ZBTB17: variants seen among roughly 807,000 people sequenced by gnomAD.
The protein encoded by ZBTB17 is zinc finger and BTB domain-containing protein 17.
Under a neutral mutation model 85.1 loss-of-function variants are expected in ZBTB17, and 24 were observed. The ratio of observed to expected loss-of-function variants is 0.28; its 90% CI spans 0.20 to 0.40. The LOEUF (loss-of-function observed/expected upper bound fraction) is 0.40, where lower values mean the gene tolerates loss of function less well. Among genes scored for constraint, ZBTB17 ranks in the 10% least tolerant of loss-of-function variants. ZBTB17 has a pLI of 1.00. For synonymous variants in ZBTB17, 464 were observed against 460.2 expected, an observed-to-expected ratio of 1.01 and a Z score of -0.11; for missense variants, 743 against 1,105.1, an observed-to-expected ratio of 0.67 and a Z score of 4.65.
chr1:15,970,911 A>G (rs1038384811), intron 2 of ZBTB17, among the ~76,000 whole-genome samples: 1 of 152,234 alleles, frequency 6.6e-6, no homozygotes, highest in South Asian at 2.1e-4. Flanking sequence ...ATATTCAGGC[A>G]GTCAGGTCTG....
At chr1:15,959,508 AGAGGGAGG>A (rs71003220) in intron 2 of ZBTB17, among the ~76,000 whole-genome samples, 74 of 105,974 alleles carry the variant, frequency 7.0e-4, no homozygotes, top group Middle Eastern at 0.011. Context: ...AAGAGGGAGG[AGAGGGAGG>A]GAGGGAGGGA....
chr1:15,968,744 G>A (rs2072533866), intron 2 of ZBTB17, among the ~76,000 whole-genome samples: 1 of 152,252 alleles, frequency 6.6e-6, no homozygotes, highest in African/African-American at 2.4e-5. Context: ...GGGGCACAGA[G>A]TAGTCCTTGA....
chr1:15,942,695 G>C lies in ZBTB17; in HGVS notation c.1872C>G (p.Asn624Lys). Residue 624 changes from asparagine to lysine, a missense_variant, in exon 14 of 16, where the codon AAC becomes AAG. Physicochemically the swap from Asn to Lys is moderately conservative, Grantham distance 94. Transcript: ENST00000375743. The part of the protein sequence containing the change: ...YLCDKCGRGF[N>K]RVDNLRSHVK... ...CGTGGGAGCGCAGGTTGTCTACCCGGTTGAAGCCACGCCCACACTTATCAC... is the reference window on the plus strand; with the variant it reads ...CGTGGGAGCGCAGGTTGTCTACCCGCTTGAAGCCACGCCCACACTTATCAC... The C allele has an allele frequency of 6.2e-7, 1 of 1,613,660 alleles. No individual in the cohort carries two copies. Among genetic ancestry groups the C allele is most frequent in the Non-Finnish European group, 8.5e-7 (1 of 1,180,032 alleles).
intron 2 of ZBTB17, chr1:15,969,958 G>A: frequency 1.2e-6 from 1 of 802,772 alleles, no homozygotes; most frequent in Non-Finnish European, 2.0e-6. Flanking sequence ...GTGGTTTGCT[G>A]GTGGCTTCCC....
intron 2 of ZBTB17, among the ~76,000 whole-genome samples, chr1:15,950,178 G>A (rs1201747687): frequency 1.3e-5 from 2 of 152,234 alleles, no homozygotes; most frequent in African/African-American, 4.8e-5. Flanking sequence ...AGCAGCACAC[G>A]GCCACCTGGA....
chr1:15,954,338 G>A (rs1328135517), intron 2 of ZBTB17, among the ~76,000 whole-genome samples: 3 of 152,126 alleles, frequency 2.0e-5, no homozygotes, highest in South Asian at 2.1e-4. Flanking sequence ...CTGCCACAAA[G>A]GGAAGCCATT....
Position 15,973,770 on chromosome 1 carries a change from A to T in ZBTB17, c.-89-645T>A, listed in dbSNP as rs1437349597. On this transcript the variant is annotated intron_variant, in intron 1 of 15. Coordinates refer to ENST00000375743, the MANE Select transcript of ZBTB17 (RefSeq NM_003443.3). The surrounding 1 kb of genome is among the most constrained non-coding windows in gnomAD (Gnocchi z 4.1). The stretch of plus-strand genomic sequence containing the variant: ...TCTATCGCTAAAACCATCTCTCCTC[A>T]CTCTCTGCCTTTAACTCACACCTTT... Among the ~76,000 whole-genome samples, 1 of 151,504 alleles carries T rather than the reference A, an allele frequency of 6.6e-6. No individual in the cohort carries two copies. The highest frequency in any genetic ancestry group is 1.9e-4 in the East Asian group (1 of 5,162).
intron 2 of ZBTB17, chr1:15,969,760 C>T: frequency 6.0e-6 from 3 of 498,688 alleles, no homozygotes; most frequent in Non-Finnish European, 1.2e-5. Context: ...CCTCATGGGA[C>T]AGTGTCAAAC....
At chr1:15,945,936 C>G in intron 5 of ZBTB17, 96 bp from the exon 6 acceptor site, 1 of 1,562,146 alleles carries the variant, frequency 6.4e-7, no homozygotes, top group Non-Finnish European at 8.7e-7. Flanking sequence ...CTGCGTGTGA[C>G]CCAGGAGGGG....
chr1:15,958,920 C>T lies in ZBTB17; in HGVS notation c.-2-10423G>A, dbSNP rs1029237994. 5.9e-5 allele frequency among the ~76,000 whole-genome samples: 9 copies of T among 152,266 alleles called. No homozygotes were observed. The South Asian group carries it at 1.7e-3, about 28-fold the overall frequency. ...GGGCTAGGCACTTGGGCTGGGACCA[C>T]CACACCAGGCCTCAGTGACAACCTT... On this transcript the variant is annotated intron_variant, in intron 2 of 15. Coordinates refer to ENST00000375743, the MANE Select transcript of ZBTB17 (RefSeq NM_003443.3).
chr1:15,948,174 G>C (rs187113055), intron 3 of ZBTB17, 117 bp downstream of exon 3: 2 of 1,211,844 alleles, frequency 1.7e-6, no homozygotes, highest in African/African-American at 1.5e-5. Flanking sequence ...AAGCCTGTGC[G>C]GGAGGCCTGT....
chr1:15,962,001 G>A lies in ZBTB17; in HGVS notation c.-3+11038C>T, dbSNP rs374465234. The stretch of plus-strand genomic sequence containing the variant: ...GGAGGATTGCCTAAGTTCAGGAGTT[G>A]GAGACCAGCCTGGGCAACATGGTGA... On this transcript the variant is annotated intron_variant, in intron 2 of 15. Transcript: ENST00000375743. 8.5e-5 allele frequency among the ~76,000 whole-genome samples: 13 copies of A among 152,152 alleles called. No homozygotes were observed. In the East Asian group the frequency reaches 2.3e-3, roughly 27 times the overall value.
At position 15,944,832 on chromosome 1, in the gene ZBTB17, C is replaced by A; in HGVS notation, c.935G>T (p.Gly312Val). 1 of 1,600,688 alleles carries A rather than the reference C, an allele frequency of 6.2e-7. No homozygotes were observed. Among genetic ancestry groups the A allele is most frequent in the Non-Finnish European group, 8.5e-7 (1 of 1,173,884 alleles). The change falls in exon 8 of 16, where the codon GGG becomes GTG. Residue 312 changes from glycine (G) to valine (V), a missense_variant. Physicochemically the swap from Gly to Val is moderately radical, Grantham distance 109 (BLOSUM62 -3). This residue lies in a region of ZBTB17 where 321 missense variants were observed against 615.7 expected (regional missense o/e 0.52). Coordinates refer to ENST00000375743, the MANE Select transcript of ZBTB17 (RefSeq NM_003443.3). ...GSVIHKCEDCGKEFTHTGNFK... is the reference protein window; with the variant it reads ...GSVIHKCEDCVKEFTHTGNFK... ...GTTCCCCGTGTGCGTGAACTCCTTC[C>A]CACAGTCCTGTGGGTGCAGCGGGGA...
intron 2 of ZBTB17, among the ~76,000 whole-genome samples, chr1:15,960,627 C>A (rs777157486): frequency 2.0e-5 from 3 of 152,180 alleles, no homozygotes; most frequent in African/African-American, 7.2e-5. Context: ...TGATGGTAAC[C>A]GCCACCTTCT....
rs556611530 is a variant in ZBTB17 at position 15,943,615 on chromosome 1, G to A, written c.1560C>T (p.His520=). 1.2e-6 allele frequency: 2 copies of A among 1,612,926 alleles called. No homozygotes were observed. The highest frequency in any genetic ancestry group is 2.2e-5 in the East Asian group (1 of 44,870). The change falls in exon 11 of 16, where the codon CAC becomes CAT. Residue 520 remains histidine, a synonymous_variant. Coordinates refer to ENST00000375743, the MANE Select transcript of ZBTB17 (RefSeq NM_003443.3). ...QFADPGALQR[H]VRIHTGEKPC... Reference sequence around the variant, plus strand: ...ACCACCCACCTGTGTGAATGCGGACGTGCCGCTGCAGAGCGCCGGGGTCTG... The same window carrying A: ...ACCACCCACCTGTGTGAATGCGGACATGCCGCTGCAGAGCGCCGGGGTCTG...
chr1:15,974,644 G>A (rs1405196327), intron 1 of ZBTB17, among the ~76,000 whole-genome samples: 1 of 151,152 alleles, frequency 6.6e-6, no homozygotes, highest in African/African-American at 2.4e-5. Flanking sequence ...GCGCCGTTTC[G>A]GCTCACTGCA....
At chr1:15,956,957 G>A (rs1273371132) in intron 2 of ZBTB17, among the ~76,000 whole-genome samples, 1 of 152,062 alleles carries the variant, frequency 6.6e-6, no homozygotes, top group African/African-American at 2.4e-5. Flanking sequence ...GAGGCGGGTG[G>A]ATCACGAGGT....
At chr1:15,950,022 G>A (rs910747698) in intron 2 of ZBTB17, among the ~76,000 whole-genome samples, 6 of 152,350 alleles carry the variant, frequency 3.9e-5, no homozygotes, top group Admixed American at 2.6e-4. Context: ...ACATCCCCGC[G>A]CAGGCTTTGG....
chr1:15,974,606 G>A (rs945821367), intron 1 of ZBTB17, among the ~76,000 whole-genome samples: 1 of 149,262 alleles, frequency 6.7e-6, no homozygotes, highest in Non-Finnish European at 1.5e-5. Context: ...ACGGAATCTC[G>A]CTCTGTCGCC....
Sources: allele counts gnomAD v4.1 joint callset (sites outside exome capture counted in the v4.1 genomes callset), GRCh38; gene constraint gnomAD v4.1.1; regional missense constraint gnomAD v4.1.1; non-coding constraint Gnocchi (gnomAD v3.1); transcripts MANE v1.5; gene names NCBI Gene and HGNC (gene_info 2026-07-23, HGNC 2026-07-21).